MCCC1: variants seen among roughly 807,000 people sequenced by gnomAD.
MCCC1 encodes the protein methylcrotonyl-CoA carboxylase subunit 1.
MCCC1 carries 64 observed loss-of-function variants against 83.8 expected under a neutral mutation model. That is an observed-to-expected ratio of 0.76 (90% CI 0.62 to 0.94). The LOEUF is 0.94. MCCC1 is among the 40% of genes least tolerant of loss of function. The pLI is 0.00. For synonymous variants in MCCC1, 322 were observed against 315.4 expected, an observed-to-expected ratio of 1.02 and a Z score of -0.22; for missense variants, 807 against 904.7, an observed-to-expected ratio of 0.89 and a Z score of 1.39.
intron 2 of MCCC1, among the ~76,000 whole-genome samples, chr3:183,093,913 T>C (rs747566331): frequency 1.3e-5 from 2 of 152,214 alleles, no homozygotes; most frequent in Non-Finnish European, 2.9e-5. Context: ...AATAGCTTTT[T>C]CAAAGAACTG....
intron 8 of MCCC1, among the ~76,000 whole-genome samples, chr3:183,053,837 A>T (rs1314734111): frequency 2.7e-5 from 4 of 150,612 alleles, no homozygotes; most frequent in African/African-American, 9.7e-5. Context: ...AAAAAAAATT[A>T]AAAAATAGGA....
At chr3:183,032,848 T>C (rs1713195609) in intron 14 of MCCC1, among the ~76,000 whole-genome samples, 1 of 147,198 alleles carries the variant, frequency 6.8e-6, no homozygotes, top group Non-Finnish European at 1.5e-5. Context: ...CACTCCAGCC[T>C]GGGCAACAGA....
chr3:183,103,727 A>G (rs1719357868), upstream of MCCC1, among the ~76,000 whole-genome samples: 1 of 152,178 alleles, frequency 6.6e-6, no homozygotes, highest in African/African-American at 2.4e-5. Context: ...GCTGCCTGCC[A>G]GTCCCGCGCC....
At position 183,015,578 on chromosome 3, in the gene MCCC1, C is replaced by A. The variant is rs1485094948; in HGVS notation, c.2050-12G>T. 12 of 1,613,912 alleles carry A rather than the reference C, an allele frequency of 7.4e-6. No homozygotes were observed. The highest frequency in any genetic ancestry group is 6.7e-5 in the Admixed American group (4 of 59,990). On this transcript the variant is annotated splice_polypyrimidine_tract_variant and intron_variant, in intron 18 of 18. Coordinates refer to ENST00000265594, the MANE Select transcript of MCCC1 (RefSeq NM_020166.5). The stretch of plus-strand genomic sequence containing the variant: ...GACTTTATGGTATGCTGCAGAGACA[C>A]ATGACAGGACAAATGATAGCTGCAA...
rs6766367 is a variant in MCCC1 at position 183,094,196 on chromosome 3, C to G, written c.136+363G>C. Among the ~76,000 whole-genome samples, 1,350 of 151,828 alleles carry G rather than the reference C, an allele frequency of 8.9e-3. 19 individuals carry two copies. Among genetic ancestry groups the G allele is most frequent in the African/African-American group, 0.031 (1,293 of 41,416 alleles). On this transcript the variant is annotated intron_variant, in intron 2 of 18. Coordinates refer to ENST00000265594, the MANE Select transcript of MCCC1 (RefSeq NM_020166.5). ...CCCAAGCATCTGGGATTACAGGCAC[C>G]CGCCACCACGCCCAGCTAATTTTTG...
intron 9 of MCCC1, 23 bp from the exon 10 acceptor site, chr3:183,045,563 C>T (rs1225481096): frequency 6.2e-7 from 1 of 1,612,342 alleles, no homozygotes; most frequent in East Asian, 2.2e-5. Context: ...AAACAATGGT[C>T]ATATTCAATA....
At chr3:183,044,658 T>C (rs552757287) in intron 10 of MCCC1, among the ~76,000 whole-genome samples, 2 of 152,224 alleles carry the variant, frequency 1.3e-5, no homozygotes, top group East Asian at 3.9e-4. Flanking sequence ...AGGTAGACCA[T>C]GAGGCTTTGA....
At chr3:183,115,986 A>G (rs1395096622) in exon 1 of MCCC1, 1 of 152,304 alleles carries the variant, frequency 6.6e-6, no homozygotes, top group Non-Finnish European at 1.5e-5. Context: ...TCGAGCAAGC[A>G]GTTGCTGAAG....
At chr3:183,115,178 A>G (rs1010094119) in intron 1 of MCCC1, among the ~76,000 whole-genome samples, 1 of 152,090 alleles carries the variant, frequency 6.6e-6, no homozygotes, top group African/African-American at 2.4e-5. Flanking sequence ...ATCCTCTAGC[A>G]TGTCTTCTGA....
chr3:183,086,625 T>G (rs1717908997), intron 4 of MCCC1, 68 bp downstream of exon 4: 1 of 1,398,514 alleles, frequency 7.2e-7, no homozygotes, highest in Admixed American at 1.8e-5. Context: ...AAAATTTCTA[T>G]AAGTAACTTT....
At chr3:183,024,941 A>G (rs372067630) in intron 15 of MCCC1, among the ~76,000 whole-genome samples, 2 of 152,202 alleles carry the variant, frequency 1.3e-5, no homozygotes, top group East Asian at 3.9e-4. Flanking sequence ...TATACATACA[A>G]CAGAGTATTT....
At chr3:183,077,637 G>A (rs892990704) in intron 4 of MCCC1, among the ~76,000 whole-genome samples, 46 of 151,394 alleles carry the variant, frequency 3.0e-4, no homozygotes, top group Middle Eastern at 3.4e-3. Flanking sequence ...ATTTTTTTTC[G>A]TGAACCTTTC....
At chr3:183,061,575 C>A (rs941565443) in intron 7 of MCCC1, among the ~76,000 whole-genome samples, 7 of 152,212 alleles carry the variant, frequency 4.6e-5, no homozygotes, top group Admixed American at 2.6e-4. Flanking sequence ...CTGGCCCACA[C>A]TTAGCCTCAG....
chr3:183,029,733 C>T (rs1301419769), intron 14 of MCCC1, among the ~76,000 whole-genome samples: 1 of 151,944 alleles, frequency 6.6e-6, no homozygotes, highest in East Asian at 1.9e-4. Flanking sequence ...TAAATAGGGA[C>T]AGTTACTACA....
At chr3:183,044,260 G>A (rs1022915238) in intron 10 of MCCC1, among the ~76,000 whole-genome samples, 1 of 151,980 alleles carries the variant, frequency 6.6e-6, no homozygotes, top group African/African-American at 2.4e-5. Flanking sequence ...GGAAAAAGAA[G>A]GCTAAAGTAA....
intron 9 of MCCC1, among the ~76,000 whole-genome samples, chr3:183,049,503 C>T (rs543465634): frequency 1.4e-4 from 21 of 149,768 alleles, no homozygotes; most frequent in South Asian, 4.2e-4. Context: ...ACCCAGGAGG[C>T]GGAGGTTGCA....
chr3:183,105,655 G>A (rs1358373593), intron 1 of MCCC1, among the ~76,000 whole-genome samples: 1 of 151,854 alleles, frequency 6.6e-6, no homozygotes, highest in Non-Finnish European at 1.5e-5. Context: ...TAGCTATTGT[G>A]AAAGTTGTCA....
At chr3:183,072,579 T>C (rs1484060374) in intron 4 of MCCC1, 92 bp from the exon 5 acceptor site, 11 of 1,392,820 alleles carry the variant, frequency 7.9e-6, no homozygotes, top group Non-Finnish European at 1.1e-5. Flanking sequence ...CTGGGAGGCC[T>C]CTCCCTACAC....
chr3:183,064,736 G>A lies in MCCC1; in HGVS notation c.761+6263C>T, dbSNP rs772344902. ...AGGCTGTTCGCGGGCAGCCGGCTCC[G>A]TGGACAGCAGGGCGAAGCGGGTAAT... On this transcript the variant is annotated intron_variant, in intron 7 of 18. Coordinates refer to ENST00000265594, the MANE Select transcript of MCCC1 (RefSeq NM_020166.5). The surrounding 1 kb of genome is among the most constrained non-coding windows in gnomAD (Gnocchi z 4.5). 1.3e-4 allele frequency among the ~76,000 whole-genome samples: 20 copies of A among 152,222 alleles called. No individual in the cohort carries two copies. The highest frequency in any genetic ancestry group is 2.5e-4 in the Non-Finnish European group (17 of 68,030).
Sources: allele counts gnomAD v4.1 joint callset (sites outside exome capture counted in the v4.1 genomes callset), GRCh38; gene constraint gnomAD v4.1.1; non-coding constraint Gnocchi (gnomAD v3.1); transcripts MANE v1.5; gene names NCBI Gene and HGNC (gene_info 2026-07-23, HGNC 2026-07-21).